Variants in TRDN observed in about 807,000 individuals in gnomAD.
The protein encoded by TRDN is triadin in skeletal muscle.
A neutral mutation model predicts 149.7 loss-of-function variants in TRDN; 161 were observed. The observed-to-expected ratio is 1.08, with a 90% CI of 0.95 to 1.23. The LOEUF (loss-of-function observed/expected upper bound fraction) is 1.23. Among genes scored for constraint, TRDN ranks in the 50% most tolerant of loss-of-function variants. TRDN has a pLI of 0.00. For missense variants in TRDN, 896 were observed against 823.5 expected (o/e 1.09, Z -1.08); for synonymous variants, 294 against 250.5 (o/e 1.17, Z -1.64).
At chr6:123,574,443 T>C (rs1413914268) in intron 1 of TRDN, among the ~76,000 whole-genome samples, 1 of 151,938 alleles carries the variant, frequency 6.6e-6, no homozygotes. Flanking sequence ...TCACTCCTAA[T>C]GGTAGTTCTG....
At chr6:123,370,591 C>T (rs1352913400) in intron 19 of TRDN, among the ~76,000 whole-genome samples, 3 of 152,060 alleles carry the variant, frequency 2.0e-5, no homozygotes, top group Admixed American at 6.6e-5. Context: ...CAATAATTTT[C>T]ATAGAAGTGA....
At chr6:123,604,468 A>C (rs993903877) in intron 1 of TRDN, among the ~76,000 whole-genome samples, 4 of 152,232 alleles carry the variant, frequency 2.6e-5, no homozygotes, top group South Asian at 2.1e-4. Flanking sequence ...GCTGGACTTC[A>C]TAACAAACAA....
At chr6:123,230,498 G>T (rs772148672) in intron 38 of TRDN, among the ~76,000 whole-genome samples, 9 of 150,674 alleles carry the variant, frequency 6.0e-5, no homozygotes, top group Admixed American at 4.7e-4. Flanking sequence ...TAACAAACCT[G>T]CACATTGTGC....
intron 9 of TRDN, among the ~76,000 whole-genome samples, chr6:123,490,627 C>G (rs1778172629): frequency 6.6e-6 from 1 of 152,084 alleles, no homozygotes; most frequent in Non-Finnish European, 1.5e-5. Flanking sequence ...AGAACCTGAA[C>G]CATTTCATTT....
At chr6:123,317,184 C>T (rs939220373) in intron 23 of TRDN, among the ~76,000 whole-genome samples, 6 of 151,760 alleles carry the variant, frequency 4.0e-5, no homozygotes, top group African/African-American at 1.4e-4. Flanking sequence ...AGATAGTTGA[C>T]TATATTTTCA....
chr6:123,276,836 G>T (rs1777384479), intron 26 of TRDN, among the ~76,000 whole-genome samples: 1 of 152,074 alleles, frequency 6.6e-6, no homozygotes, highest in African/African-American at 2.4e-5. Flanking sequence ...AAAATGAAGG[G>T]ATAATGACTC....
At chr6:123,433,272 T>C (rs1774417367) in intron 12 of TRDN, among the ~76,000 whole-genome samples, 1 of 150,730 alleles carries the variant, frequency 6.6e-6, no homozygotes. Flanking sequence ...AGGCCTGCTC[T>C]AATAATCTTA....
Position 123,224,534 on chromosome 6 carries a change from C to A in TRDN, c.1976-403G>T, listed in dbSNP as rs184250149. 6.6e-5 allele frequency among the ~76,000 whole-genome samples: 10 copies of A among 151,906 alleles called. No homozygotes were observed. In the East Asian group the frequency reaches 1.9e-3, roughly 30 times the overall value. On this transcript the variant is annotated intron_variant, in intron 38 of 40. Coordinates refer to ENST00000334268, the MANE Select transcript of TRDN (RefSeq NM_006073.4). ...ATAAAGAGATCAGTGTCTACCCACA[C>A]AATTTATTAGCAGATTGATTAGATT... is the stretch of plus-strand genomic sequence containing the variant.
At chr6:123,279,016 A>T (rs1318750665) in intron 25 of TRDN, 40 bp downstream of exon 25, 4 of 1,576,490 alleles carry the variant, frequency 2.5e-6, no homozygotes, top group Non-Finnish European at 3.5e-6. Flanking sequence ...ATGTATGTAC[A>T]TATGTACGTG....
chr6:123,380,424 C>T (rs1758054576), intron 16 of TRDN, among the ~76,000 whole-genome samples: 1 of 152,172 alleles, frequency 6.6e-6, no homozygotes, highest in African/African-American at 2.4e-5. Context: ...TGTGCCAGTA[C>T]TCATCAGTAG....
At chr6:123,547,282 G>T in intron 4 of TRDN, 58 bp downstream of exon 4, 1 of 1,085,982 alleles carries the variant, frequency 9.2e-7, no homozygotes, top group South Asian at 1.8e-5. Context: ...GAACCATGCT[G>T]AAAACCAATA....
At chr6:123,534,086 TG>T (rs911144608) in intron 4 of TRDN, among the ~76,000 whole-genome samples, 6 of 152,124 alleles carry the variant, frequency 3.9e-5, no homozygotes, top group Non-Finnish European at 8.8e-5. Context: ...GCAGTTGTTT[TG>T]CAAGCAGAGG....
intron 1 of TRDN, among the ~76,000 whole-genome samples, chr6:123,592,893 GT>G (rs1447387629): frequency 1.3e-5 from 2 of 152,082 alleles, no homozygotes; most frequent in Non-Finnish European, 2.9e-5. Flanking sequence ...ATGAAAAACA[GT>G]TTAGGAATCA....
intron 1 of TRDN, among the ~76,000 whole-genome samples, chr6:123,587,957 G>A (rs974164738): frequency 2.0e-5 from 3 of 152,124 alleles, no homozygotes; most frequent in South Asian, 2.1e-4. Context: ...GGATGTGTAC[G>A]TGCAGGTCAC....
At chr6:123,331,848 T>C (rs550290348) in intron 23 of TRDN, 31 bp downstream of exon 23, 11 of 1,453,394 alleles carry the variant, frequency 7.6e-6, no homozygotes, top group Admixed American at 2.3e-5. Context: ...GGCAGATCAA[T>C]GTGGCTTCAC....
chr6:123,383,295 G>T (rs1284609256), intron 14 of TRDN, among the ~76,000 whole-genome samples: 1 of 152,004 alleles, frequency 6.6e-6, no homozygotes, highest in African/African-American at 2.4e-5. Context: ...GTAACATTGT[G>T]GTGAAGGTAA....
At chr6:123,582,344 G>A (rs539506564) in intron 1 of TRDN, among the ~76,000 whole-genome samples, 108 of 152,216 alleles carry the variant, frequency 7.1e-4, no homozygotes, top group African/African-American at 2.4e-3. Flanking sequence ...TTTCATGCGC[G>A]TCCGTGTGAA....
At chr6:123,634,150 C>T (rs1011227432) in intron 1 of TRDN, among the ~76,000 whole-genome samples, 1 of 151,780 alleles carries the variant, frequency 6.6e-6, no homozygotes, top group Non-Finnish European at 1.5e-5. Flanking sequence ...GATTGCAAGC[C>T]CCAGGCGTGA....
At chr6:123,497,031 C>T (rs1419657270) in intron 9 of TRDN, among the ~76,000 whole-genome samples, 162 bp downstream of exon 9, 2 of 151,894 alleles carry the variant, frequency 1.3e-5, no homozygotes, top group African/African-American at 4.8e-5. Flanking sequence ...AAAATTAAGA[C>T]CTTAATGCCA....
Sources: gnomAD v4.1 joint callset for allele counts (sites outside exome capture counted in the v4.1 genomes callset) on GRCh38, gnomAD v4.1.1 for gene constraint, MANE v1.5 for transcripts, NCBI Gene and HGNC (gene_info 2026-07-23, HGNC 2026-07-21) for gene names.